The following MICAL2 variants were observed in gnomAD, a reference collection of about 807,000 sequenced individuals.
MICAL2 encodes the protein [F-actin]-monooxygenase MICAL2.
In MICAL2, 77 loss-of-function variants were observed where a neutral mutation model predicts 127.3. The ratio of observed to expected loss-of-function variants is 0.60; its 90% CI spans 0.50 to 0.73. MICAL2 has a LOEUF of 0.73. Ranked by LOEUF, MICAL2 falls within the 30% of genes least tolerant of loss-of-function variation. The pLI is 0.00. For missense variants in MICAL2, 1,351 were observed against 1,434.4 expected (o/e 0.94, Z 0.94); for synonymous variants, 570 against 551.1 (o/e 1.03, Z -0.48).
At chr11:12,262,787 T>C in intron 27 of MICAL2, 1 of 454,496 alleles carries the variant, frequency 2.2e-6, no homozygotes, top group Non-Finnish European at 4.0e-6. Context: ...CTCTCCTCTC[T>C]CCCTTGGGTC....
intron 3 of MICAL2, among the ~76,000 whole-genome samples, chr11:12,200,304 G>A (rs1239309825): frequency 6.6e-6 from 1 of 152,162 alleles, no homozygotes; most frequent in African/African-American, 2.4e-5. Flanking sequence ...TTCCTTCCTT[G>A]GACATAAGGC....
At chr11:12,293,502 T>A (rs1863929612), downstream of MICAL2, 1 of 1,519,718 alleles carries the variant, frequency 6.6e-7, no homozygotes, top group Non-Finnish European at 8.8e-7. Flanking sequence ...TTTGCTTTCA[T>A]CATATAAATA....
At chr11:12,308,279 A>G (rs924023145) in intron 29 of MICAL2, 1 of 152,180 alleles carries the variant, frequency 6.6e-6, no homozygotes, top group Non-Finnish European at 1.5e-5. Context: ...TTGTGTTTTC[A>G]TATGAATTTT....
chr11:12,256,991 C>T lies in MICAL2; in HGVS notation c.3142+20C>T. 1 of 1,599,862 alleles carries T rather than the reference C, an allele frequency of 6.3e-7. No homozygotes were observed. The highest frequency in any genetic ancestry group is 8.5e-7 in the Non-Finnish European group (1 of 1,172,768). Reference sequence around the variant, plus strand: ...ATGAAGGTAACCCCAGGGGCCAGGGCAGCACTGGGCTCTGGCCTTGGCCTC... The same window carrying T: ...ATGAAGGTAACCCCAGGGGCCAGGGTAGCACTGGGCTCTGGCCTTGGCCTC... On this transcript the variant is annotated intron_variant, in intron 24 of 27. Coordinates refer to ENST00000683283, the MANE Select transcript of MICAL2 (RefSeq NM_001282663.2).
rs1855750456 is a variant in MICAL2, at chr11:12,213,319, A to C, written c.756A>C (p.Arg252Ser). The C allele has an allele frequency of 6.2e-7, 1 of 1,613,802 alleles. No homozygotes were observed. The highest frequency in any genetic ancestry group is 1.3e-5 in the African/African-American group (1 of 74,938). Reference sequence around the variant, plus strand: ...CCATCACCGCCAACTTCATAAACAGAAACAGCACAGCGGAAGCCAAGGTGG... The same window carrying C: ...CCATCACCGCCAACTTCATAAACAGCAACAGCACAGCGGAAGCCAAGGTGG... ...AIAITANFIN[R>S]NSTAEAKVEE... Residue 252 changes from arginine to serine, a missense_variant, in exon 7 of 28, where the codon AGA becomes AGC. Physicochemically the swap from Arg to Ser is moderately radical, Grantham distance 110. Transcript: ENST00000683283.
intron 29 of MICAL2, among the ~76,000 whole-genome samples, chr11:12,297,824 A>C (rs1864003822): frequency 6.6e-6 from 1 of 151,926 alleles, no homozygotes; most frequent in African/African-American, 2.4e-5. Flanking sequence ...AAATTCCTGA[A>C]CTTGGACTTA....
At chr11:12,221,846 A>G in intron 10 of MICAL2, 87 bp downstream of exon 10, 1 of 1,012,258 alleles carries the variant, frequency 9.9e-7, no homozygotes, top group African/African-American at 1.6e-5. Context: ...TGACTGCTGG[A>G]TATACCTGGA....
chr11:12,248,405 G>A (rs1012415042), intron 21 of MICAL2, among the ~76,000 whole-genome samples: 4 of 152,172 alleles, frequency 2.6e-5, no homozygotes, highest in Admixed American at 2.6e-4. Context: ...TCAGCCGTTA[G>A]TTACTTTCGC....
At chr11:12,208,322 G>A (rs903153369) in intron 5 of MICAL2, 183 bp downstream of exon 5, 4 of 536,424 alleles carry the variant, frequency 7.5e-6, no homozygotes, top group Admixed American at 3.3e-5. Context: ...TTTGCTGTTT[G>A]GCTCCAAGGG....
At chr11:12,226,421 C>T in intron 14 of MICAL2, 51 bp downstream of exon 14, 1 of 1,569,518 alleles carries the variant, frequency 6.4e-7, no homozygotes, top group South Asian at 1.1e-5. Flanking sequence ...AACTCTGTCC[C>T]TGTCTCTGAG....
At chr11:12,134,093 G>A (rs1329925867) in intron 1 of MICAL2, among the ~76,000 whole-genome samples, 1 of 152,196 alleles carries the variant, frequency 6.6e-6, no homozygotes, top group Non-Finnish European at 1.5e-5. Context: ...ATGAGCCTCA[G>A]TTTCTTCACC....
intron 21 of MICAL2, among the ~76,000 whole-genome samples, chr11:12,245,115 G>A (rs1860549673): frequency 6.6e-6 from 1 of 152,116 alleles, no homozygotes; most frequent in Non-Finnish European, 1.5e-5. Flanking sequence ...GGTGGGAGAG[G>A]GTCTGTCTTC....
chr11:12,321,011 A>G (rs991451359), intron 30 of MICAL2, among the ~76,000 whole-genome samples: 16 of 152,156 alleles, frequency 1.1e-4, no homozygotes, highest in African/African-American at 1.4e-4. Flanking sequence ...AGTTAATTCT[A>G]TATTCAAATT....
upstream of MICAL2, among the ~76,000 whole-genome samples, chr11:12,272,243 C>A (rs927820812): frequency 2.6e-5 from 4 of 152,168 alleles, no homozygotes; most frequent in Non-Finnish European, 5.9e-5. Flanking sequence ...TCCTGCTAGG[C>A]CACCCTGGAC....
intron 3 of MICAL2, among the ~76,000 whole-genome samples, chr11:12,167,821 G>C (rs993201429): frequency 2.6e-5 from 4 of 152,204 alleles, no homozygotes; most frequent in Non-Finnish European, 5.9e-5. Flanking sequence ...CACATGGAAT[G>C]TGTGGGGTTT....
intron 4 of MICAL2, 188 bp from the exon 5 acceptor site, chr11:12,207,835 A>C (rs948024556): frequency 7.0e-6 from 4 of 570,676 alleles, no homozygotes; most frequent in African/African-American, 3.7e-5. Context: ...TAACGATTCC[A>C]AAGGGCCACT....
chr11:12,248,857 C>T (rs1861140716), intron 21 of MICAL2, among the ~76,000 whole-genome samples: 1 of 146,150 alleles, frequency 6.8e-6, no homozygotes, highest in Non-Finnish European at 1.5e-5. Context: ...TGGAGGTCTC[C>T]TGTGTGCATC....
intron 15 of MICAL2, among the ~76,000 whole-genome samples, chr11:12,233,718 T>C (rs1262367440): frequency 6.6e-6 from 1 of 152,198 alleles, no homozygotes; most frequent in Non-Finnish European, 1.5e-5. Flanking sequence ...GAAACATTAA[T>C]GGGAAAAGAA....
intron 6 of MICAL2, 67 bp downstream of exon 6, chr11:12,209,665 G>A: frequency 2.9e-6 from 4 of 1,398,594 alleles, no homozygotes; most frequent in Non-Finnish European, 4.1e-6. Context: ...TTGGGGAAGA[G>A]TTGGAGAAAG....
Sources: allele counts gnomAD v4.1 joint callset (sites outside exome capture counted in the v4.1 genomes callset), GRCh38; gene constraint gnomAD v4.1.1; transcripts MANE v1.5; gene names NCBI Gene and HGNC (gene_info 2026-07-23, HGNC 2026-07-21).